FGF14: variants seen among roughly 807,000 people sequenced by gnomAD.
The protein encoded by FGF14 is fibroblast growth factor homologous factor 4.
In FGF14, 5 loss-of-function variants were observed where a neutral mutation model predicts 25.5. The ratio of observed to expected loss-of-function variants is 0.20; its 90% CI spans 0.10 to 0.41. The LOEUF is 0.41. Among genes scored for constraint, FGF14 ranks in the 10% least tolerant of loss-of-function variants. FGF14 has a pLI of 1.00. For synonymous variants in FGF14, 138 were observed against 118.3 expected (o/e 1.17, Z -1.08); for missense variants, 222 against 320.1 (o/e 0.69, Z 2.34).
chr13:101,928,546 AT>A (rs548361617), intron 1 of FGF14, among the ~76,000 whole-genome samples: 37 of 150,482 alleles, frequency 2.5e-4, no homozygotes, highest in African/African-American at 6.6e-4. Context: ...TATTTTCCCT[AT>A]TTTTTTTTGA....
At chr13:101,896,576 C>A (rs761942978) in intron 1 of FGF14, among the ~76,000 whole-genome samples, 29 of 152,126 alleles carry the variant, frequency 1.9e-4, no homozygotes, top group Non-Finnish European at 3.5e-4. Context: ...CTTTTAACAG[C>A]GGGGAATCTG....
In FGF14 at chr13:101,820,197, T is replaced by C. The variant is rs114639056; in HGVS notation, c.408+48528A>G. On this transcript the variant is annotated intron_variant, in intron 3 of 4. Transcript: ENST00000376143. ...AATGTTTCTGATGTTTGACAAAACA[T>C]ATTATGGCAATAAATGATGCTGTGT... 8.6e-3 allele frequency among the ~76,000 whole-genome samples: 1,313 copies of C among 152,216 alleles called. 25 individuals are homozygous for C. Among genetic ancestry groups the C allele is most frequent in the African/African-American group, 0.03 (1,250 of 41,532 alleles).
chr13:102,365,931 T>C (rs573741771), intron 1 of FGF14, among the ~76,000 whole-genome samples: 17 of 152,160 alleles, frequency 1.1e-4, no homozygotes, highest in Non-Finnish European at 2.1e-4. Flanking sequence ...AACAATAATA[T>C]GTTGTTTGAT....
chr13:101,953,709 GC>G (rs1194556036), intron 1 of FGF14, among the ~76,000 whole-genome samples: 1 of 151,492 alleles, frequency 6.6e-6, no homozygotes, highest in East Asian at 1.9e-4. Context: ...TCCTGCCTCA[GC>G]CTCCCAAGTA....
At chr13:102,393,370 G>T (rs1430371425) in intron 1 of FGF14, among the ~76,000 whole-genome samples, 3 of 151,870 alleles carry the variant, frequency 2.0e-5, no homozygotes, top group African/African-American at 7.3e-5. Flanking sequence ...TTTGTTTTTT[G>T]TTTTTTTGAG....
chr13:101,756,740 C>G (rs1423773721), intron 3 of FGF14, among the ~76,000 whole-genome samples: 4 of 151,256 alleles, frequency 2.6e-5, no homozygotes, highest in African/African-American at 9.7e-5. Flanking sequence ...CCTCCACCAC[C>G]AAAAAAACAA....
chr13:101,910,638 T>C (rs546322159), intron 1 of FGF14, among the ~76,000 whole-genome samples: 1 of 152,244 alleles, frequency 6.6e-6, no homozygotes, highest in Admixed American at 6.5e-5. Context: ...TGTGTCTGCA[T>C]TTCTACGCAT....
rs75423792 is a variant in FGF14, at chr13:101,955,783, G to C, written c.209-80487C>G. Among the ~76,000 whole-genome samples the C allele has an allele frequency of 9.2e-3, 1,407 of 152,292 alleles. 10 individuals carry two copies. The highest frequency in any genetic ancestry group is 0.027 in the Middle Eastern group (8 of 294). The stretch of plus-strand genomic sequence containing the variant: ...TCAAGACCTTTGCTCCAACATAAAA[G>C]GGAAGAGACACTTGATGAAGAAAGC... On this transcript the variant is annotated intron_variant, in intron 1 of 4. Coordinates refer to the FGF14 transcript ENST00000376131.
intron 1 of FGF14, among the ~76,000 whole-genome samples, chr13:102,303,946 T>A (rs1424516307): frequency 6.6e-6 from 1 of 152,130 alleles, no homozygotes; most frequent in Non-Finnish European, 1.5e-5. Context: ...TTTTAGACAA[T>A]TAGTATATCT....
intron 1 of FGF14, among the ~76,000 whole-genome samples, chr13:102,232,682 A>C (rs2051138568): frequency 1.3e-5 from 2 of 152,242 alleles, no homozygotes; most frequent in African/African-American, 4.8e-5. Flanking sequence ...ATTTTAACAT[A>C]TATTTTGACA....
At chr13:101,852,958 T>A (rs2043934003) in intron 3 of FGF14, among the ~76,000 whole-genome samples, 1 of 152,090 alleles carries the variant, frequency 6.6e-6, no homozygotes, top group African/African-American at 2.4e-5. Context: ...AATTAATGAC[T>A]ATGGTAAGGA....
At position 101,991,015 on chromosome 13, in the gene FGF14, CTTTTT is replaced by C. The variant is rs2038871717; in HGVS notation, c.209-115724_209-115720del. ...CTATTTATACTAATGGAGCACATTA[CTTTTT>C]AACCTTGGAGCACAATGGAGCACAA... On this transcript the variant is annotated intron_variant, in intron 1 of 4. Transcript: ENST00000376131. Among the ~76,000 whole-genome samples the C allele has an allele frequency of 3.3e-5, 5 of 152,144 alleles. No homozygotes were observed. The South Asian group carries it at 1.0e-3, about 32-fold the overall frequency.
rs1240462890 is a variant in FGF14, at chr13:102,122,085, T to C, written c.209-246789A>G. Among the ~76,000 whole-genome samples, 3 of 152,224 alleles carry C rather than the reference T, an allele frequency of 2.0e-5. No individual in the cohort carries two copies. The East Asian group carries it at 5.8e-4, about 29-fold the overall frequency. On this transcript the variant is annotated intron_variant, in intron 1 of 4. Coordinates refer to the FGF14 transcript ENST00000376131. ...GGATATACTAGAGTCATGAGTTTTG[T>C]TCTCCTGGGATGTATTTGCAATTAA...
At chr13:102,219,805 T>C (rs1298295155) in intron 1 of FGF14, among the ~76,000 whole-genome samples, 2 of 152,182 alleles carry the variant, frequency 1.3e-5, no homozygotes, top group Non-Finnish European at 2.9e-5. Context: ...TCAGAGCTTC[T>C]CAAGAAATAT....
chr13:101,907,153 C>T (rs1295716614), intron 1 of FGF14, among the ~76,000 whole-genome samples: 1 of 152,030 alleles, frequency 6.6e-6, no homozygotes, highest in African/African-American at 2.4e-5. Context: ...TCATCTTCTT[C>T]TGTTTTATAG....
At chr13:101,908,070 G>C (rs990500059) in intron 1 of FGF14, among the ~76,000 whole-genome samples, 2 of 152,132 alleles carry the variant, frequency 1.3e-5, no homozygotes, top group Admixed American at 6.6e-5. Flanking sequence ...GAGTAGAAAT[G>C]GGAGAGGAGA....
rs1309419815 is a variant in FGF14 at position 101,712,449 on chromosome 13, A to G, written c.*10382T>C. ...TGAAGCTAAGCATTCCAGAAGCAAGAGCAGTGATTAGAATAGTTCCAGGGC... is the reference window on the plus strand; with the variant it reads ...TGAAGCTAAGCATTCCAGAAGCAAGGGCAGTGATTAGAATAGTTCCAGGGC... On this transcript the variant is annotated 3_prime_UTR_variant, in exon 5 of 5. Coordinates refer to ENST00000376143, the MANE Select transcript of FGF14 (RefSeq NM_004115.4). 6.6e-6 allele frequency: 1 copy of G among 152,202 alleles called. No individual in the cohort carries two copies. Among genetic ancestry groups the G allele is most frequent in the Non-Finnish European group, 1.5e-5 (1 of 68,040 alleles). 9.4% of individuals were successfully genotyped at this position (152,202 alleles called of 1,614,324 possible).
At chr13:102,356,344 G>T (rs9554872) in intron 1 of FGF14, among the ~76,000 whole-genome samples, 43,796 of 152,026 alleles carry the variant, frequency 0.29, 6,651 homozygotes, top group African/African-American at 0.37. Flanking sequence ...CGCAAGAGAA[G>T]GATAACTCTG....
chr13:102,031,796 C>G (rs1279935400), intron 1 of FGF14, among the ~76,000 whole-genome samples: 2 of 151,952 alleles, frequency 1.3e-5, no homozygotes. Context: ...ATGTATAACC[C>G]ATGACAGGAA....
Sources: gnomAD v4.1 joint callset for allele counts (sites outside exome capture counted in the v4.1 genomes callset) on GRCh38, gnomAD v4.1.1 for gene constraint, MANE v1.5 for transcripts, NCBI Gene and HGNC (gene_info 2026-07-23, HGNC 2026-07-21) for gene names.